The following COL24A1 variants were observed in gnomAD, a reference collection of about 807,000 sequenced individuals.
COL24A1 encodes the protein collagen alpha-1(XXIV) chain.
Under a neutral mutation model 253.9 loss-of-function variants are expected in COL24A1, and 224 were observed. The ratio of observed to expected loss-of-function variants is 0.88; its 90% CI spans 0.79 to 0.99. COL24A1 has a LOEUF of 0.99. Ranked by LOEUF, COL24A1 falls within the 50% of genes least tolerant of loss-of-function variation. The pLI is 0.00. For synonymous variants in COL24A1, 685 were observed against 673.7 expected, an observed-to-expected ratio of 1.02 and a Z score of -0.26; for missense variants, 2,131 against 2,068.5, an observed-to-expected ratio of 1.03 and a Z score of -0.59.
chr1:85,944,997 A>G (rs1456894461), intron 24 of COL24A1, among the ~76,000 whole-genome samples: 3 of 41,376 alleles, frequency 7.3e-5, no homozygotes, highest in Admixed American at 3.3e-4. Flanking sequence ...CCAGTCTATC[A>G]TTGTGTTTTT....
chr1:85,937,919 T>G (rs1466801278), intron 24 of COL24A1, among the ~76,000 whole-genome samples: 1 of 147,562 alleles, frequency 6.8e-6, no homozygotes, highest in African/African-American at 2.5e-5. Context: ...ATTTACCATA[T>G]GGGATCCCCA....
chr1:86,139,880 C>T (rs1184502274), intron 2 of COL24A1, among the ~76,000 whole-genome samples: 1 of 152,026 alleles, frequency 6.6e-6, no homozygotes, highest in African/African-American at 2.4e-5. Flanking sequence ...AGATAATTGC[C>T]CAATATTCAT....
intron 11 of COL24A1, among the ~76,000 whole-genome samples, chr1:86,047,558 C>T (rs1699998151): frequency 6.6e-6 from 1 of 151,950 alleles, no homozygotes; most frequent in Admixed American, 6.6e-5. Context: ...ATAACAATAC[C>T]TATCATTCAA....
intron 28 of COL24A1, among the ~76,000 whole-genome samples, chr1:85,901,477 A>G (rs537397889): frequency 6.6e-6 from 1 of 152,274 alleles, no homozygotes; most frequent in East Asian, 1.9e-4. Flanking sequence ...TACTAATTCC[A>G]TAGCCACTAT....
intron 19 of COL24A1, among the ~76,000 whole-genome samples, chr1:85,991,616 A>C (rs981747675): frequency 3.9e-5 from 6 of 152,210 alleles, no homozygotes; most frequent in African/African-American, 1.4e-4. Context: ...TAAAACGGTA[A>C]GAAAAAATTT....
At chr1:85,814,444 C>G (rs1188851389) in intron 47 of COL24A1, among the ~76,000 whole-genome samples, 1 of 152,156 alleles carries the variant, frequency 6.6e-6, no homozygotes, top group Non-Finnish European at 1.5e-5. Context: ...AATATTACCT[C>G]AATATTGAAG....
intron 58 of COL24A1, 121 bp downstream of exon 58, chr1:85,737,275 A>C: frequency 1.7e-6 from 1 of 579,424 alleles, no homozygotes; most frequent in Non-Finnish European, 3.0e-6. Context: ...TACACAATAG[A>C]GAATAATCTT....
chr1:85,864,250 G>T (rs1376421998), intron 37 of COL24A1, among the ~76,000 whole-genome samples: 1 of 152,146 alleles, frequency 6.6e-6, no homozygotes, highest in African/African-American at 2.4e-5. Flanking sequence ...GTCCTTTGTT[G>T]AGACATGGAT....
rs140887330 is a variant in COL24A1 at position 86,003,297 on chromosome 1, A to G, written c.2310+13854T>C. The stretch of plus-strand genomic sequence containing the variant: ...CTGGGTTCTGTCAGGCTGCCAAGAC[A>G]TAAATTCAGATGGGCACTAGCAGCA... On this transcript the variant is annotated intron_variant, in intron 19 of 59. Coordinates refer to ENST00000370571, the MANE Select transcript of COL24A1 (RefSeq NM_152890.7). 5.0e-3 allele frequency among the ~76,000 whole-genome samples: 766 copies of G among 152,334 alleles called. 3 individuals are homozygous for G. Among genetic ancestry groups the G allele is most frequent in the Middle Eastern group, 0.02 (6 of 294 alleles).
chr1:86,106,837 T>G (rs936833652), intron 5 of COL24A1, among the ~76,000 whole-genome samples: 1 of 152,222 alleles, frequency 6.6e-6, no homozygotes, highest in African/African-American at 2.4e-5. Flanking sequence ...ATCCCCATAG[T>G]CTTTCTCTAT....
intron 24 of COL24A1, among the ~76,000 whole-genome samples, chr1:85,911,890 C>T (rs1287574629): frequency 6.6e-6 from 1 of 152,062 alleles, no homozygotes; most frequent in African/African-American, 2.4e-5. Flanking sequence ...CTACTCTGTG[C>T]CAGGCACTGT....
intron 24 of COL24A1, among the ~76,000 whole-genome samples, chr1:85,960,258 A>G (rs1350502452): frequency 6.6e-6 from 1 of 152,216 alleles, no homozygotes; most frequent in Non-Finnish European, 1.5e-5. Flanking sequence ...ATTTTGTGAC[A>G]ATTAATTTAG....
chr1:85,854,511 G>C lies in COL24A1; in HGVS notation c.3301-5105C>G, dbSNP rs560388729. Among the ~76,000 whole-genome samples, 5 of 152,154 alleles carry C rather than the reference G, an allele frequency of 3.3e-5. No homozygotes were observed. In the South Asian group the frequency reaches 1.0e-3, roughly 32 times the overall value. On this transcript the variant is annotated intron_variant, in intron 37 of 59. Transcript: ENST00000370571. ...TGCTAATGCTGTGAAAAACGTTCTT[G>C]GTAATCTGATAGGACTGGCATTGAG...
In COL24A1 at chr1:86,115,388, C is replaced by T; in HGVS notation, c.1492-10G>A. On this transcript the variant is annotated splice_polypyrimidine_tract_variant and intron_variant, in intron 3 of 59. Coordinates refer to ENST00000370571, the MANE Select transcript of COL24A1 (RefSeq NM_152890.7). ...CTGGACCAGGTGGACCCTTGGAAAA[C>T]AAATGTCAAGACATTAGGCATGATA... 1 of 1,613,548 alleles carries T rather than the reference C, an allele frequency of 6.2e-7. No individual in the cohort carries two copies. Among genetic ancestry groups the T allele is most frequent in the Non-Finnish European group, 8.5e-7 (1 of 1,179,610 alleles).
At chr1:85,919,912 G>C (rs527241816) in intron 24 of COL24A1, among the ~76,000 whole-genome samples, 37 of 152,274 alleles carry the variant, frequency 2.4e-4, no homozygotes, top group Admixed American at 5.2e-4. Flanking sequence ...GAAAAACTGT[G>C]AAATCTAACT....
At chr1:85,972,279 A>G (rs1253358331) in intron 20 of COL24A1, among the ~76,000 whole-genome samples, 2 of 151,920 alleles carry the variant, frequency 1.3e-5, no homozygotes, top group African/African-American at 4.8e-5. Context: ...AAATCTACTC[A>G]GGTCACTTTT....
intron 8 of COL24A1, among the ~76,000 whole-genome samples, chr1:86,062,024 G>C (rs1701128727): frequency 6.6e-6 from 1 of 151,878 alleles, no homozygotes; most frequent in Non-Finnish European, 1.5e-5. Flanking sequence ...CTCATTTTGT[G>C]GATAAAATAG....
intron 38 of COL24A1, among the ~76,000 whole-genome samples, chr1:85,848,429 C>A (rs569110865): frequency 6.6e-6 from 1 of 152,114 alleles, no homozygotes; most frequent in Non-Finnish European, 1.5e-5. Flanking sequence ...CCTGCCTCAG[C>A]CTCCCAAGTA....
At chr1:85,827,695 TTC>T (rs1438602919) in intron 43 of COL24A1, among the ~76,000 whole-genome samples, 1 of 151,654 alleles carries the variant, frequency 6.6e-6, no homozygotes, top group African/African-American at 2.4e-5. Context: ...CTTCTAGATT[TTC>T]TAGTTTATTT....
Sources: gnomAD v4.1 joint callset for allele counts (sites outside exome capture counted in the v4.1 genomes callset) on GRCh38, gnomAD v4.1.1 for gene constraint, MANE v1.5 for transcripts, NCBI Gene and HGNC (gene_info 2026-07-23, HGNC 2026-07-21) for gene names.